The following RREB1 variants were observed in gnomAD, a reference collection of about 807,000 sequenced individuals.
RREB1 encodes ras responsive element binding protein 1.
In RREB1, 27 loss-of-function variants were observed where a neutral mutation model predicts 117.8. The ratio of observed to expected loss-of-function variants is 0.23; its 90% CI spans 0.17 to 0.32. RREB1 has a LOEUF of 0.32. Among genes scored for constraint, RREB1 ranks in the 10% least tolerant of loss-of-function variants. The probability of loss-of-function intolerance (pLI) is 1.00; values close to 1 mark genes in which losing one functional copy is unlikely to be tolerated. For synonymous variants in RREB1, 1,298 were observed against 1,026.7 expected, an observed-to-expected ratio of 1.26 and a Z score of -5.05; for missense variants, 2,577 against 2,378.2, an observed-to-expected ratio of 1.08 and a Z score of -1.74.
chr6:7,158,839 TC>T (rs149343688), intron 1 of RREB1, among the ~76,000 whole-genome samples: 1,703 of 152,134 alleles, frequency 0.011, 16 homozygotes, highest in Non-Finnish European at 0.017. Flanking sequence ...AGATTGTGGG[TC>T]CCATTTGTTT....
intron 4 of RREB1, chr6:7,183,270 G>A (rs910890592): frequency 1.3e-5 from 2 of 152,152 alleles, no homozygotes; most frequent in African/African-American, 4.8e-5. Context: ...TACTCAGCCT[G>A]TATGACTGTG....
chr6:7,173,303 G>C (rs1011197451), intron 1 of RREB1, among the ~76,000 whole-genome samples: 20 of 152,006 alleles, frequency 1.3e-4, no homozygotes, highest in African/African-American at 4.8e-4. Flanking sequence ...GATCACCTTA[G>C]GTCAGGAGTT....
At chr6:7,235,315 A>G (rs996379767) in intron 10 of RREB1, among the ~76,000 whole-genome samples, 3 of 152,204 alleles carry the variant, frequency 2.0e-5, no homozygotes, top group Non-Finnish European at 4.4e-5. Flanking sequence ...CCTGGTAGGC[A>G]GCTCTGCTGT....
intron 8 of RREB1, 125 bp from the exon 9 acceptor site, chr6:7,226,342 T>C (rs575586679): frequency 8.7e-4 from 599 of 686,312 alleles, no homozygotes; most frequent in Non-Finnish European, 1.3e-3. Context: ...ATCATATCAT[T>C]TTTATTTTAC....
intron 1 of RREB1, among the ~76,000 whole-genome samples, chr6:7,151,142 T>C (rs981100898): frequency 2.6e-5 from 4 of 152,226 alleles, no homozygotes; most frequent in African/African-American, 9.6e-5. Context: ...GTTCATTGTT[T>C]GTTTTAAAAG....
chr6:7,182,852 A>G (rs1235020694), intron 4 of RREB1, among the ~76,000 whole-genome samples: 1 of 152,240 alleles, frequency 6.6e-6, no homozygotes, highest in Admixed American at 6.5e-5. Flanking sequence ...TAATGAGACT[A>G]TACTAAATCC....
intron 1 of RREB1, among the ~76,000 whole-genome samples, chr6:7,153,245 T>TA (rs1763203176): frequency 1.3e-5 from 2 of 151,426 alleles, no homozygotes; most frequent in African/African-American, 4.8e-5. Flanking sequence ...TTATTTTTTT[T>TA]TAAAAAAAGT....
intron 1 of RREB1, among the ~76,000 whole-genome samples, chr6:7,166,165 C>T (rs542591747): frequency 6.6e-6 from 1 of 152,170 alleles, no homozygotes; most frequent in African/African-American, 2.4e-5. Context: ...CACTCCCACC[C>T]CCAACTGCCA....
chr6:7,156,131 G>T (rs1763351450), intron 1 of RREB1, among the ~76,000 whole-genome samples: 1 of 152,206 alleles, frequency 6.6e-6, no homozygotes, highest in Non-Finnish European at 1.5e-5. Context: ...TCACACTTAA[G>T]AGTCTAGACT....
rs201603390 is a variant in RREB1, at chr6:7,182,025, G to A, written c.114G>A (p.Gln38=). Residue 38 remains glutamine, a synonymous_variant, in exon 4 of 13, where the codon CAG becomes CAA. Coordinates refer to ENST00000379938, the MANE Select transcript of RREB1 (RefSeq NM_001003699.4). ...GKVTENGGSP[Q]GIKSPSKPPG... Reference sequence around the variant, plus strand: ...TCACAGAGAATGGCGGGAGCCCCCAGGGGATCAAGTCCCCCTCGAAGCCTC... The same window carrying A: ...TCACAGAGAATGGCGGGAGCCCCCAAGGGATCAAGTCCCCCTCGAAGCCTC... The A allele has an allele frequency of 6.2e-7, 1 of 1,614,166 alleles. No individual in the cohort carries two copies. The highest frequency in any genetic ancestry group is 8.5e-7 in the Non-Finnish European group (1 of 1,180,032).
intron 8 of RREB1, chr6:7,218,654 G>C (rs1297024697): frequency 6.6e-6 from 1 of 152,084 alleles, no homozygotes; most frequent in African/African-American, 2.4e-5. Flanking sequence ...AACAGTGATA[G>C]TTATTCCTGA....
intron 1 of RREB1, among the ~76,000 whole-genome samples, chr6:7,145,458 T>A (rs1762814553): frequency 6.6e-6 from 1 of 152,220 alleles, no homozygotes; most frequent in Non-Finnish European, 1.5e-5. Flanking sequence ...CTGATGCTTC[T>A]GTTGCTAAGC....
Position 7,231,359 on chromosome 6 carries a change from C to A in RREB1, c.3260C>A (p.Ala1087Glu), listed in dbSNP as rs534324409. 6.2e-7 allele frequency: 1 copy of A among 1,612,778 alleles called. No individual in the cohort carries two copies. The highest frequency in any genetic ancestry group is 8.5e-7 in the Non-Finnish European group (1 of 1,179,408). ...CCCACCCTGCTGAAAACCAAGGTGGCGGACCCAGGGCCCGCAAGCACTGGC... is the reference window on the plus strand; with the variant it reads ...CCCACCCTGCTGAAAACCAAGGTGGAGGACCCAGGGCCCGCAAGCACTGGC... ...SAPTLLKTKV[A>E]DPGPASTGSN... The change falls in exon 10 of 13, where the codon GCG becomes GAG. Residue 1087 changes from alanine (A) to glutamate (E), a missense_variant. Ala to Glu is a moderately radical substitution (Grantham distance 107). Coordinates refer to ENST00000379938, the MANE Select transcript of RREB1 (RefSeq NM_001003699.4).
intron 8 of RREB1, among the ~76,000 whole-genome samples, chr6:7,221,410 G>A (rs1288857384): frequency 1.3e-5 from 2 of 151,998 alleles, no homozygotes; most frequent in Non-Finnish European, 2.9e-5. Flanking sequence ...CTGACCTCAT[G>A]ATCCACCCGC....
intron 1 of RREB1, among the ~76,000 whole-genome samples, chr6:7,176,280 C>T (rs1165272070): frequency 1.3e-5 from 2 of 152,146 alleles, no homozygotes; most frequent in African/African-American, 2.4e-5. Flanking sequence ...CTAATTGCTG[C>T]CTTGCTTTTC....
chr6:7,175,802 A>G (rs1764471733), intron 1 of RREB1, among the ~76,000 whole-genome samples: 1 of 152,380 alleles, frequency 6.6e-6, no homozygotes, highest in Middle Eastern at 3.4e-3. Context: ...CCCTACAGAA[A>G]GGAAAAGGTC....
At chr6:7,125,214 T>C (rs1034727184) in intron 1 of RREB1, among the ~76,000 whole-genome samples, 2 of 152,170 alleles carry the variant, frequency 1.3e-5, no homozygotes, top group African/African-American at 2.4e-5. Context: ...GGAGCCCTTA[T>C]AGAAGGGAGG....
intron 10 of RREB1, among the ~76,000 whole-genome samples, chr6:7,239,712 T>TA (rs1768570151): frequency 6.6e-6 from 1 of 152,210 alleles, no homozygotes; most frequent in Non-Finnish European, 1.5e-5. Flanking sequence ...CAGACATAGT[T>TA]ACGTATTGGT....
intron 1 of RREB1, among the ~76,000 whole-genome samples, chr6:7,135,456 T>C (rs904229420): frequency 6.6e-6 from 1 of 152,198 alleles, no homozygotes; most frequent in African/African-American, 2.4e-5. Context: ...CCTGACTTCA[T>C]TCTCTTGTGG....
Sources: gnomAD v4.1 joint callset for allele counts (sites outside exome capture counted in the v4.1 genomes callset) on GRCh38, gnomAD v4.1.1 for gene constraint, MANE v1.5 for transcripts, NCBI Gene and HGNC (gene_info 2026-07-23, HGNC 2026-07-21) for gene names.